The following RSRC1 variants were observed in gnomAD, a reference collection of about 807,000 sequenced individuals.
The protein encoded by RSRC1 is serine/Arginine-related protein 53.
Under a neutral mutation model 49.1 loss-of-function variants are expected in RSRC1, and 39 were observed. The observed-to-expected ratio is 0.79, with a 90% CI of 0.61 to 1.04. The LOEUF is 1.04. Among genes scored for constraint, RSRC1 ranks in the 50% least tolerant of loss-of-function variants. The pLI is 0.00. For missense variants in RSRC1, 388 were observed against 402.4 expected (o/e 0.96, Z 0.31); for synonymous variants, 143 against 130.8 (o/e 1.09, Z -0.63).
intron 7 of RSRC1, among the ~76,000 whole-genome samples, chr3:158,502,260 AG>A (rs1560067362): frequency 1.3e-5 from 2 of 152,296 alleles, no homozygotes; most frequent in Admixed American, 6.5e-5. Flanking sequence ...TTTCCTTTAT[AG>A]GTTACCTGGT....
chr3:158,411,798 G>C (rs1205388170), intron 6 of RSRC1, among the ~76,000 whole-genome samples: 3 of 152,022 alleles, frequency 2.0e-5, no homozygotes, highest in East Asian at 1.9e-4. Flanking sequence ...GGCCATTTTA[G>C]TGTTTGTTTG....
At chr3:158,264,324 G>A (rs1030473166) in intron 4 of RSRC1, among the ~76,000 whole-genome samples, 4 of 152,168 alleles carry the variant, frequency 2.6e-5, no homozygotes, top group Admixed American at 1.3e-4. Context: ...TTTTGGAAGA[G>A]TTTCTAGATA....
intron 7 of RSRC1, among the ~76,000 whole-genome samples, chr3:158,464,981 C>T (rs935910409): frequency 6.6e-6 from 1 of 152,082 alleles, no homozygotes; most frequent in Non-Finnish European, 1.5e-5. Flanking sequence ...TAATATAATT[C>T]TCTCTCTTAT....
chr3:158,425,973 A>G (rs920778513), intron 6 of RSRC1, among the ~76,000 whole-genome samples: 1 of 151,748 alleles, frequency 6.6e-6, no homozygotes, highest in African/African-American at 2.4e-5. Flanking sequence ...AAGCAATAGA[A>G]CATCCAAAAA....
intron 5 of RSRC1, among the ~76,000 whole-genome samples, chr3:158,329,961 C>G (rs958781219): frequency 1.3e-5 from 2 of 152,186 alleles, no homozygotes; most frequent in African/African-American, 4.8e-5. Context: ...GCCTCGCTGC[C>G]GCCTTGCAGT....
At chr3:158,224,830 A>G (rs698987) in intron 4 of RSRC1, among the ~76,000 whole-genome samples, 2,203 of 151,990 alleles carry the variant, frequency 0.014, 24 homozygotes, top group Non-Finnish European at 0.021. Flanking sequence ...GGTCTACTGT[A>G]TAGCAGGTGA....
At chr3:158,334,723 G>A (rs1401164668) in intron 5 of RSRC1, among the ~76,000 whole-genome samples, 1 of 150,954 alleles carries the variant, frequency 6.6e-6, no homozygotes, top group Non-Finnish European at 1.5e-5. Flanking sequence ...GTTTCACCAT[G>A]TTGTCCAGGA....
intron 4 of RSRC1, among the ~76,000 whole-genome samples, chr3:158,291,980 A>T (rs1406042789): frequency 6.6e-6 from 1 of 152,308 alleles, no homozygotes; most frequent in East Asian, 1.9e-4. Flanking sequence ...TAACAAAGGG[A>T]AAGTAATACC....
At chr3:158,485,514 T>C (rs1226632539) in intron 7 of RSRC1, among the ~76,000 whole-genome samples, 2 of 152,234 alleles carry the variant, frequency 1.3e-5, no homozygotes, top group Non-Finnish European at 2.9e-5. Context: ...TCTGATTAAG[T>C]CTTTTCCTGT....
chr3:158,484,834 C>T (rs530169699), intron 7 of RSRC1, among the ~76,000 whole-genome samples: 1 of 152,194 alleles, frequency 6.6e-6, no homozygotes, highest in South Asian at 2.1e-4. Context: ...CAACTGAATA[C>T]TTACTGTAAT....
intron 4 of RSRC1, among the ~76,000 whole-genome samples, chr3:158,212,423 A>G (rs758481284): frequency 2.0e-5 from 3 of 151,904 alleles, no homozygotes; most frequent in Non-Finnish European, 4.4e-5. Flanking sequence ...AATGTTATCA[A>G]TCATGCTACA....
chr3:158,367,332 G>GT (rs1157543778), intron 6 of RSRC1, among the ~76,000 whole-genome samples: 1 of 152,126 alleles, frequency 6.6e-6, no homozygotes, highest in African/African-American at 2.4e-5. Context: ...TTTATTGAGA[G>GT]TTTTTTGCAT....
rs957703673 is a variant in RSRC1, at chr3:158,545,369, T to C, written c.*1094T>C. The stretch of plus-strand genomic sequence containing the variant: ...GGCACCCGCTAACATGCCCAGCTAA[T>C]TTTTTGTGTTTTTAGTAGAGATGGG... On this transcript the variant is annotated 3_prime_UTR_variant, in exon 10 of 10. Transcript: ENST00000611884. 2.0e-5 allele frequency: 3 copies of C among 151,862 alleles called. No individual in the cohort carries two copies. Among genetic ancestry groups the C allele is most frequent in the Non-Finnish European group, 4.4e-5 (3 of 67,986 alleles). 9.4% of individuals were successfully genotyped at this position (151,862 alleles called of 1,614,324 possible).
intron 7 of RSRC1, among the ~76,000 whole-genome samples, chr3:158,512,279 A>G (rs1177589323): frequency 7.0e-6 from 1 of 143,176 alleles, no homozygotes; most frequent in Non-Finnish European, 1.5e-5. Context: ...TCCATCTTGA[A>G]TTGATTTTTG....
chr3:158,436,560 A>G (rs941598413), intron 6 of RSRC1, among the ~76,000 whole-genome samples: 1 of 151,990 alleles, frequency 6.6e-6, no homozygotes, highest in African/African-American at 2.4e-5. Flanking sequence ...TGGAGAAACC[A>G]CTTTACATAT....
chr3:158,250,965 T>C (rs1724178048), intron 4 of RSRC1, among the ~76,000 whole-genome samples: 1 of 152,194 alleles, frequency 6.6e-6, no homozygotes, highest in African/African-American at 2.4e-5. Context: ...CTTTCGTAGT[T>C]TGAGGTCTTA....
At chr3:158,218,332 A>G (rs1261446040) in intron 4 of RSRC1, among the ~76,000 whole-genome samples, 1 of 151,676 alleles carries the variant, frequency 6.6e-6, no homozygotes, top group African/African-American at 2.4e-5. Flanking sequence ...GAGAGATGTA[A>G]TAGTAGCTTG....
At chr3:158,509,364 A>C (rs1740031971) in intron 7 of RSRC1, among the ~76,000 whole-genome samples, 1 of 152,184 alleles carries the variant, frequency 6.6e-6, no homozygotes. Flanking sequence ...ACAACTTCCA[A>C]TTTGAGATAC....
intron 7 of RSRC1, among the ~76,000 whole-genome samples, chr3:158,482,214 A>G (rs924166800): frequency 6.9e-6 from 1 of 145,058 alleles, no homozygotes; most frequent in Non-Finnish European, 1.6e-5. Context: ...GCTACCACTC[A>G]GCAGAAGAAA....
Sources: gnomAD v4.1 joint callset for allele counts (sites outside exome capture counted in the v4.1 genomes callset) on GRCh38, gnomAD v4.1.1 for gene constraint, MANE v1.5 for transcripts, NCBI Gene and HGNC (gene_info 2026-07-23, HGNC 2026-07-21) for gene names.